Variants in CCSER1 observed in about 807,000 individuals in gnomAD.
The protein encoded by CCSER1 is coiled-coil serine rich protein 1.
CCSER1 carries 41 observed loss-of-function variants against 82.0 expected under a neutral mutation model. The observed-to-expected ratio is 0.50, with a 90% CI of 0.39 to 0.65. CCSER1 has a LOEUF of 0.65. CCSER1 is among the 30% of genes least tolerant of loss of function. The probability of loss-of-function intolerance (pLI) is 0.00; values close to 1 mark genes in which losing one functional copy is unlikely to be tolerated. For missense variants in CCSER1, 1,119 were observed against 1,064.2 expected (o/e 1.05, Z -0.72); for synonymous variants, 414 against 383.9 (o/e 1.08, Z -0.92).
intron 4 of CCSER1, among the ~76,000 whole-genome samples, chr4:90,423,496 A>C (rs1386622299): frequency 6.6e-6 from 1 of 151,844 alleles, no homozygotes; most frequent in Non-Finnish European, 1.5e-5. Flanking sequence ...AGTGCGGGGA[A>C]TACAGGTGTG....
intron 10 of CCSER1, among the ~76,000 whole-genome samples, chr4:91,587,472 G>A (rs189327822): frequency 6.6e-6 from 1 of 151,872 alleles, no homozygotes; most frequent in Non-Finnish European, 1.5e-5. Flanking sequence ...ACATATATAT[G>A]TTGACTTTAT....
chr4:90,519,102 A>T (rs1466539626), intron 5 of CCSER1, among the ~76,000 whole-genome samples: 2 of 151,626 alleles, frequency 1.3e-5, no homozygotes, highest in South Asian at 2.1e-4. Flanking sequence ...TTTAGCATTA[A>T]TTTTTTTTGG....
At chr4:90,941,722 T>A (rs964324493) in intron 9 of CCSER1, among the ~76,000 whole-genome samples, 1 of 152,160 alleles carries the variant, frequency 6.6e-6, no homozygotes, top group African/African-American at 2.4e-5. Context: ...TTTTAGGTAA[T>A]CACCAATATT....
chr4:90,313,124 AAC>A (rs1735599703), intron 3 of CCSER1, 77 bp downstream of exon 3: 1 of 1,165,554 alleles, frequency 8.6e-7, no homozygotes, highest in Non-Finnish European at 1.2e-6. Context: ...TTGCAAAATG[AAC>A]ACAGACTACA....
intron 1 of CCSER1, among the ~76,000 whole-genome samples, chr4:90,266,714 C>CCCA (rs2153451402): frequency 6.6e-6 from 1 of 152,056 alleles, no homozygotes; most frequent in Non-Finnish European, 1.5e-5. Context: ...TCAGCTGGTA[C>CCCA]CCATGGAGGG....
chr4:91,185,116 A>G (rs1238665650), intron 10 of CCSER1, among the ~76,000 whole-genome samples: 2 of 152,116 alleles, frequency 1.3e-5, no homozygotes, highest in East Asian at 1.9e-4. Context: ...AAACCTCTAA[A>G]TTTCTTTCCC....
intron 1 of CCSER1, among the ~76,000 whole-genome samples, chr4:90,254,689 G>A (rs1225215339): frequency 1.3e-5 from 2 of 152,068 alleles, no homozygotes; most frequent in Admixed American, 1.3e-4. Flanking sequence ...GTCTGTACAT[G>A]CCGATAGTAG....
At chr4:90,764,437 G>C (rs887007183) in intron 7 of CCSER1, among the ~76,000 whole-genome samples, 2 of 152,036 alleles carry the variant, frequency 1.3e-5, no homozygotes, top group Non-Finnish European at 1.5e-5. Flanking sequence ...CTGAATTTAT[G>C]GAATGCACAA....
chr4:90,914,504 G>C (rs1396815201), intron 8 of CCSER1, among the ~76,000 whole-genome samples: 1 of 152,012 alleles, frequency 6.6e-6, no homozygotes, highest in Non-Finnish European at 1.5e-5. Context: ...AGTGCGTTGA[G>C]GGAAATTTAT....
chr4:91,365,755 G>T (rs374402111), intron 10 of CCSER1, among the ~76,000 whole-genome samples: 1 of 152,090 alleles, frequency 6.6e-6, no homozygotes, highest in Non-Finnish European at 1.5e-5. Flanking sequence ...ATGAAGTGGC[G>T]TGGTCAGAGG....
chr4:91,569,704 C>A (rs913193482), intron 10 of CCSER1, among the ~76,000 whole-genome samples: 4 of 152,064 alleles, frequency 2.6e-5, no homozygotes, highest in Non-Finnish European at 5.9e-5. Flanking sequence ...TATCTCCCAC[C>A]AGGTCCCCCC....
intron 8 of CCSER1, among the ~76,000 whole-genome samples, chr4:90,861,869 C>T (rs958597870): frequency 1.4e-5 from 2 of 147,772 alleles, no homozygotes; most frequent in Admixed American, 6.8e-5. Context: ...CTTAGAAAGC[C>T]ATGATGAAAA....
At chr4:90,628,373 T>C (rs1723720772) in intron 6 of CCSER1, 141 bp downstream of exon 6, 1 of 634,476 alleles carries the variant, frequency 1.6e-6, no homozygotes, top group Admixed American at 2.9e-5. Context: ...TTAGCTATTT[T>C]CATATGTCAA....
intron 5 of CCSER1, among the ~76,000 whole-genome samples, chr4:90,565,035 A>ATTTTT (rs559940576): frequency 7.1e-6 from 1 of 141,012 alleles, no homozygotes; most frequent in African/African-American, 2.6e-5. Flanking sequence ...CAAAGTTCAG[A>ATTTTT]TTTTTTTTTT....
intron 4 of CCSER1, among the ~76,000 whole-genome samples, chr4:90,466,117 T>G (rs562860194): frequency 7.2e-5 from 11 of 152,336 alleles, no homozygotes; most frequent in Admixed American, 5.2e-4. Flanking sequence ...ACTGCTGTGA[T>G]TATCAGTTGG....
intron 9 of CCSER1, among the ~76,000 whole-genome samples, chr4:90,991,262 G>A (rs565021236): frequency 7.5e-4 from 114 of 151,498 alleles, no homozygotes; most frequent in Non-Finnish European, 1.2e-3. Flanking sequence ...TTATCAATTT[G>A]TATTAATTTT....
At chr4:91,007,206 G>A (rs1481609720) in intron 9 of CCSER1, among the ~76,000 whole-genome samples, 1 of 152,042 alleles carries the variant, frequency 6.6e-6, no homozygotes, top group Non-Finnish European at 1.5e-5. Flanking sequence ...TTTTGTTGAG[G>A]ATTTTTGCAT....
chr4:91,069,365 T>C (rs1249942776), intron 9 of CCSER1, among the ~76,000 whole-genome samples: 1 of 152,072 alleles, frequency 6.6e-6, no homozygotes, highest in East Asian at 1.9e-4. Flanking sequence ...CTTTTTTTTT[T>C]CTGAATGAAT....
intron 4 of CCSER1, among the ~76,000 whole-genome samples, chr4:90,432,032 C>T (rs986511171): frequency 6.6e-6 from 1 of 152,044 alleles, no homozygotes; most frequent in Non-Finnish European, 1.5e-5. Context: ...CCCTAGATCT[C>T]CCCATGGGTC....
Sources: allele counts gnomAD v4.1 joint callset (sites outside exome capture counted in the v4.1 genomes callset), GRCh38; gene constraint gnomAD v4.1.1; transcripts MANE v1.5; gene names NCBI Gene and HGNC (gene_info 2026-07-23, HGNC 2026-07-21).